The following NFYC variants were observed in gnomAD, a reference collection of about 807,000 sequenced individuals.
NFYC encodes the protein nuclear transcription factor Y subunit gamma, also known as CAAT box DNA-binding protein subunit C.
In NFYC, 25 loss-of-function variants were observed where a neutral mutation model predicts 53.1. The observed-to-expected ratio is 0.47, with a 90% CI of 0.34 to 0.66. NFYC has a LOEUF of 0.66. Among genes scored for constraint, NFYC ranks in the 30% least tolerant of loss-of-function variants. The pLI, the probability that NFYC is intolerant of heterozygous loss-of-function variation, is 0.01. For synonymous variants in NFYC, 145 were observed against 152.6 expected (o/e 0.95, Z 0.37); for missense variants, 260 against 422.7 (o/e 0.62, Z 3.38).
At position 40,747,214 on chromosome 1, in the gene NFYC, GCTCATAATGTCC is replaced by G. The variant is rs1557862917; in HGVS notation, c.106-316_106-305del. On this transcript the variant is annotated intron_variant, in intron 2 of 9. Transcript: ENST00000447388. ...ACTTACTTGGAAAAAAAAAGAAGGCGCTCATAATGTCCCTCTATGTTGTGCTGACGAAAAAAA... is the reference window on the plus strand; with the variant it reads ...ACTTACTTGGAAAAAAAAAGAAGGCGCTCTATGTTGTGCTGACGAAAAAAA... 5.0e-5 allele frequency among the ~76,000 whole-genome samples: 7 copies of G among 139,070 alleles called. No individual in the cohort carries two copies. The East Asian group carries it at 1.3e-3, about 25-fold the overall frequency. The allele number at this position is 139,070 out of a possible 152,430, so 91.2% of individuals were successfully genotyped here.
chr1:40,730,618 G>A (rs929564290), intron 1 of NFYC: 31 of 984,388 alleles, frequency 3.1e-5, no homozygotes, highest in Admixed American at 6.1e-5. Context: ...TAAGTGCCTT[G>A]ATCATAGAGA....
At chr1:40,696,063 C>T (rs1351027015) in intron 1 of NFYC, among the ~76,000 whole-genome samples, 1 of 131,472 alleles carries the variant, frequency 7.6e-6, no homozygotes, top group Non-Finnish European at 1.6e-5. Context: ...CGCACTGTTT[C>T]CCCAGACTGG....
At chr1:40,734,991 G>A (rs1644951035) in intron 1 of NFYC, 2 of 152,112 alleles carry the variant, frequency 1.3e-5, no homozygotes, top group East Asian at 1.9e-4. Flanking sequence ...ATGTAAAGAA[G>A]AACAGTTAGA....
chr1:40,703,922 TTAAG>T (rs1643567179), intron 1 of NFYC, among the ~76,000 whole-genome samples: 1 of 152,156 alleles, frequency 6.6e-6, no homozygotes, highest in South Asian at 2.1e-4. Flanking sequence ...TCAGAAATGG[TTAAG>T]TATCTTGGCC....
At chr1:40,707,169 CAA>C (rs750712718) in intron 1 of NFYC, among the ~76,000 whole-genome samples, 6 of 125,626 alleles carry the variant, frequency 4.8e-5, no homozygotes, top group East Asian at 2.3e-4. Context: ...GACTCTGCCT[CAA>C]AAAAAAAAAA....
At chr1:40,740,957 CAT>C (rs1645308705) in intron 2 of NFYC, among the ~76,000 whole-genome samples, 1 of 150,734 alleles carries the variant, frequency 6.6e-6, no homozygotes, top group Non-Finnish European at 1.5e-5. Flanking sequence ...TAAAAAAACA[CAT>C]AAAATTTCGC....
intron 1 of NFYC, among the ~76,000 whole-genome samples, chr1:40,736,371 C>T (rs1024093346): frequency 2.6e-5 from 4 of 152,156 alleles, no homozygotes; most frequent in Non-Finnish European, 5.9e-5. Context: ...CTAGAGTTGT[C>T]AGCTTTCATT....
At chr1:40,692,944 C>T (rs1454387745) in intron 1 of NFYC, among the ~76,000 whole-genome samples, 1 of 152,120 alleles carries the variant, frequency 6.6e-6, no homozygotes, top group African/African-American at 2.4e-5. Context: ...ATTTGCTGCT[C>T]TAGGAAGGAT....
chr1:40,749,329 A>G (rs1187070382), intron 3 of NFYC, among the ~76,000 whole-genome samples: 1 of 152,186 alleles, frequency 6.6e-6, no homozygotes, highest in Non-Finnish European at 1.5e-5. Context: ...TTGAAAGGCT[A>G]TTATAAGAGT....
In NFYC at chr1:40,770,723, C is replaced by A; in HGVS notation, c.903C>A (p.Ile301=). 1 of 1,614,164 alleles carries A rather than the reference C, an allele frequency of 6.2e-7. No individual in the cohort carries two copies. The highest frequency in any genetic ancestry group is 8.5e-7 in the Non-Finnish European group (1 of 1,180,038). ...QFTDGQQLYQ[I]QQVTMPAGQD... is the part of the protein sequence containing the mutation. ...ACCCCTCGCAGCAGCTCTACCAGAT[C>A]CAGCAAGTCACCATGCCTGCGGGCC... The change falls in exon 10 of 10, where the codon ATC becomes ATA. Residue 301 remains isoleucine (I), a synonymous_variant. Coordinates refer to ENST00000447388, the MANE Select transcript of NFYC (RefSeq NM_014223.5). The surrounding 1 kb of genome is among the most constrained non-coding windows in gnomAD (Gnocchi z 5.3).
chr1:40,707,480 C>CA (rs58438852), intron 1 of NFYC, among the ~76,000 whole-genome samples: 80 of 86,550 alleles, frequency 9.2e-4, no homozygotes, highest in East Asian at 3.0e-3. Flanking sequence ...ACTCCATCTC[C>CA]AAAAAAAAAA....
chr1:40,735,775 A>T (rs1644995048), intron 1 of NFYC: 3 of 983,318 alleles, frequency 3.1e-6, no homozygotes, highest in Non-Finnish European at 3.6e-6. Context: ...AAGCTTTTTG[A>T]TAATTATTAT....
intron 5 of NFYC, among the ~76,000 whole-genome samples, chr1:40,756,145 A>G (rs1486776061): frequency 1.3e-5 from 2 of 152,220 alleles, no homozygotes; most frequent in Non-Finnish European, 2.9e-5. Flanking sequence ...GTGGAACACA[A>G]GTACCTTGAA....
intron 1 of NFYC, among the ~76,000 whole-genome samples, chr1:40,726,426 T>C (rs1464360685): frequency 6.7e-6 from 1 of 148,736 alleles, no homozygotes; most frequent in Non-Finnish European, 1.5e-5. Context: ...CCTGTTTTTT[T>C]TTTTTCCTCT....
In NFYC at chr1:40,758,123, G is replaced by A. The variant is rs201417376; in HGVS notation, c.390G>A (p.Glu130=). ...RDELKPPKRQ[E]EVRQSVTPAE... ...CTGCCTCTCTTTCCACCCAACAGGA[G>A]GAGGTGCGCCAGTCTGTAACTCCTG... The change falls in exon 6 of 10, where the codon GAG becomes GAA. Residue 130 remains glutamate, a splice_region_variant and synonymous_variant. Coordinates refer to ENST00000447388, the MANE Select transcript of NFYC (RefSeq NM_014223.5). 1.9e-6 allele frequency: 3 copies of A among 1,611,888 alleles called. No individual in the cohort carries two copies. Among genetic ancestry groups the A allele is most frequent in the African/African-American group, 1.3e-5 (1 of 74,964 alleles).
At chr1:40,736,362 T>TA (rs1308585237) in intron 1 of NFYC, among the ~76,000 whole-genome samples, 2 of 152,290 alleles carry the variant, frequency 1.3e-5, no homozygotes, top group East Asian at 3.9e-4. Context: ...AGGCTAAACC[T>TA]AGAGTTGTCA....
chr1:40,766,862 G>A, intron 8 of NFYC, 159 bp downstream of exon 8: 1 of 1,537,628 alleles, frequency 6.5e-7, no homozygotes, highest in Non-Finnish European at 8.8e-7. Flanking sequence ...AAGAGGCATG[G>A]GTGGTAATTG....
chr1:40,708,864 G>A (rs1258110338), intron 1 of NFYC, among the ~76,000 whole-genome samples: 1 of 152,126 alleles, frequency 6.6e-6, no homozygotes, highest in Non-Finnish European at 1.5e-5. Flanking sequence ...CCGACCTTGT[G>A]CACATTGCTT....
chr1:40,719,021 G>A (rs1319794768), intron 1 of NFYC, among the ~76,000 whole-genome samples: 7 of 152,012 alleles, frequency 4.6e-5, no homozygotes, highest in Non-Finnish European at 8.8e-5. Flanking sequence ...ACAGATGTGC[G>A]CCACCACGCC....
Sources: allele counts gnomAD v4.1 joint callset (sites outside exome capture counted in the v4.1 genomes callset), GRCh38; gene constraint gnomAD v4.1.1; non-coding constraint Gnocchi (gnomAD v3.1); transcripts MANE v1.5; gene names NCBI Gene and HGNC (gene_info 2026-07-23, HGNC 2026-07-21).